Variants in ABCB5 observed in about 807,000 individuals in gnomAD.
The protein encoded by ABCB5 is ATP-binding cassette sub-family B member 5.
A neutral mutation model predicts 144.2 loss-of-function variants in ABCB5; 155 were observed. The ratio of observed to expected loss-of-function variants is 1.08; its 90% CI spans 0.94 to 1.23. ABCB5 has a LOEUF of 1.23. ABCB5 is among the 50% of genes most tolerant of loss of function. The pLI, the probability that ABCB5 is intolerant of heterozygous loss-of-function variation, is 0.00. For synonymous variants in ABCB5, 610 were observed against 528.6 expected, an observed-to-expected ratio of 1.15 and a Z score of -2.11; for missense variants, 1,830 against 1,520.8, an observed-to-expected ratio of 1.20 and a Z score of -3.38.
At chr7:20,744,168 G>A (rs1018091585) in intron 25 of ABCB5, among the ~76,000 whole-genome samples, 10 of 152,106 alleles carry the variant, frequency 6.6e-5, no homozygotes, top group South Asian at 6.2e-4. Flanking sequence ...GGGTTCATGC[G>A]ATTCTCATGC....
At chr7:20,752,622 G>T (rs563269151) in intron 26 of ABCB5, among the ~76,000 whole-genome samples, 4 of 152,306 alleles carry the variant, frequency 2.6e-5, no homozygotes, top group African/African-American at 7.2e-5. Context: ...GCTGAGGAGG[G>T]TGGATCACGA....
At chr7:20,752,760 C>T (rs1340855666) in intron 26 of ABCB5, among the ~76,000 whole-genome samples, 4 of 152,256 alleles carry the variant, frequency 2.6e-5, no homozygotes, top group East Asian at 1.9e-4. Flanking sequence ...GGCAGAGAAT[C>T]GCTTGAAGCC....
intron 14 of ABCB5, among the ~76,000 whole-genome samples, chr7:20,674,749 TACAC>T (rs71555815): frequency 0.054 from 7,533 of 140,284 alleles, 806 homozygotes; most frequent in East Asian, 0.48. Flanking sequence ...CTCTAAAGAC[TACAC>T]ACACACACAC....
At chr7:20,655,752 C>T (rs1395588891) in intron 13 of ABCB5, among the ~76,000 whole-genome samples, 1 of 152,080 alleles carries the variant, frequency 6.6e-6, no homozygotes, top group Non-Finnish European at 1.5e-5. Flanking sequence ...AAATATTGTG[C>T]TTTATCAATC....
intron 12 of ABCB5, among the ~76,000 whole-genome samples, chr7:20,651,051 G>A (rs1374352853): frequency 6.6e-6 from 1 of 152,096 alleles, no homozygotes; most frequent in Non-Finnish European, 1.5e-5. Context: ...AAATAATGGC[G>A]GCTATTTCCT....
chr7:20,665,845 T>C (rs1316131336), intron 14 of ABCB5, among the ~76,000 whole-genome samples: 1 of 143,148 alleles, frequency 7.0e-6, no homozygotes, highest in African/African-American at 2.7e-5. Context: ...GAGCTTCTAT[T>C]TGTTGAAAGG....
intron 21 of ABCB5, among the ~76,000 whole-genome samples, chr7:20,723,427 T>C (rs1007075618): frequency 5.9e-5 from 9 of 152,316 alleles, no homozygotes; most frequent in Admixed American, 3.3e-4. Context: ...ATAGGGTACA[T>C]GATTTAGAGC....
At chr7:20,711,319 T>A (rs1372124168) in intron 20 of ABCB5, among the ~76,000 whole-genome samples, 1 of 149,858 alleles carries the variant, frequency 6.7e-6, no homozygotes, top group Non-Finnish European at 1.5e-5. Flanking sequence ...TTTTTTCACC[T>A]TTCTTAAAGC....
intron 14 of ABCB5, chr7:20,667,121 T>G: frequency 1.3e-6 from 1 of 790,038 alleles, no homozygotes; most frequent in Non-Finnish European, 1.5e-6. Context: ...GAGGCACAGT[T>G]TTTTCCCTTT....
intron 5 of ABCB5, among the ~76,000 whole-genome samples, chr7:20,642,901 C>A (rs374447885): frequency 2.6e-4 from 39 of 152,158 alleles, no homozygotes; most frequent in African/African-American, 8.9e-4. Context: ...CTCAATGGAA[C>A]TTTTTCATAT....
At chr7:20,745,167 A>G in intron 25 of ABCB5, 65 bp from the exon 26 acceptor site, 2 of 1,471,138 alleles carry the variant, frequency 1.4e-6, no homozygotes, top group Non-Finnish European at 1.9e-6. Context: ...GTTTGAATAC[A>G]GTGAACTGTA....
chr7:20,742,132 G>A (rs770881812), intron 24 of ABCB5, among the ~76,000 whole-genome samples: 6 of 151,788 alleles, frequency 4.0e-5, no homozygotes, highest in Admixed American at 6.6e-5. Context: ...CCAGCACTTC[G>A]GGAGGCCAAG....
intron 20 of ABCB5, among the ~76,000 whole-genome samples, chr7:20,710,322 G>A (rs1249485168): frequency 6.9e-5 from 8 of 116,648 alleles, no homozygotes; most frequent in Middle Eastern, 5.7e-3. Context: ...AGCTGAGATC[G>A]TGCCATTGCA....
In ABCB5 at chr7:20,647,628, AT is replaced by A; in HGVS notation, c.1079del (p.Phe360SerfsTer10). 1 of 1,573,958 alleles carries A rather than the reference AT, an allele frequency of 6.4e-7. No homozygotes were observed. Among genetic ancestry groups the A allele is most frequent in the African/African-American group, 1.3e-5 (1 of 74,302 alleles). On this transcript the variant is annotated frameshift_variant, in exon 10 of 28. Transcript: ENST00000404938. LOFTEE classifies it high-confidence loss of function. ...FAIARGAAFHIFQVIDKKPSI... is the reference protein window; with the variant it reads ...FAIARGAAFHXFQVIDKKPSI... Reference sequence around the variant, plus strand: ...AATAGCCCGAGGAGCTGCCTTTCATATTTTCCAGGTTATTGATAAGGTAAGA... The same window carrying A: ...AATAGCCCGAGGAGCTGCCTTTCATATTTCCAGGTTATTGATAAGGTAAGA...
At chr7:20,633,541 A>T (rs1018612012) in intron 5 of ABCB5, among the ~76,000 whole-genome samples, 2 of 152,174 alleles carry the variant, frequency 1.3e-5, no homozygotes, top group African/African-American at 2.4e-5. Context: ...GCTGTAATAC[A>T]TATAACGTAT....
intron 4 of ABCB5, 60 bp downstream of exon 4, chr7:20,628,898 C>T: frequency 6.4e-7 from 1 of 1,560,900 alleles, no homozygotes; most frequent in Non-Finnish European, 8.8e-7. Flanking sequence ...ATAAAGCAAA[C>T]AAACGTTAAG....
chr7:20,675,695 G>A (rs1015767310), intron 14 of ABCB5, among the ~76,000 whole-genome samples: 2 of 150,212 alleles, frequency 1.3e-5, no homozygotes, highest in Non-Finnish European at 3.0e-5. Context: ...GCACCACAAG[G>A]GAAATAATCA....
chr7:20,728,305 T>C lies in ABCB5; in HGVS notation c.2727-10T>C. On this transcript the variant is annotated splice_polypyrimidine_tract_variant and intron_variant, in intron 22 of 27. Coordinates refer to ENST00000404938, the MANE Select transcript of ABCB5 (RefSeq NM_001163941.2). ...ATGCCTCATTATTTGGTAAATTTTGTACATTCCAGAAATACCTCGAAGAAA... is the reference window on the plus strand; with the variant it reads ...ATGCCTCATTATTTGGTAAATTTTGCACATTCCAGAAATACCTCGAAGAAA... The C allele has an allele frequency of 6.2e-7, 1 of 1,613,472 alleles. No individual in the cohort carries two copies. Among genetic ancestry groups the C allele is most frequent in the Admixed American group, 1.7e-5 (1 of 59,978 alleles).
intron 20 of ABCB5, among the ~76,000 whole-genome samples, chr7:20,712,789 A>G (rs1174430922): frequency 2.0e-5 from 3 of 149,466 alleles, no homozygotes; most frequent in Admixed American, 6.7e-5. Flanking sequence ...TTGATAAGTA[A>G]AAGTTTTATA....
Sources: gnomAD v4.1 joint callset for allele counts (sites outside exome capture counted in the v4.1 genomes callset) on GRCh38, gnomAD v4.1.1 for gene constraint, MANE v1.5 for transcripts, NCBI Gene and HGNC (gene_info 2026-07-23, HGNC 2026-07-21) for gene names.